Variants in COLGALT1 observed in about 807,000 individuals in gnomAD.
COLGALT1 encodes the protein collagen beta(1-O)galactosyltransferase 1, also known as procollagen galactosyltransferase 1.
Under a neutral mutation model 60.8 loss-of-function variants are expected in COLGALT1, and 43 were observed. The observed-to-expected ratio is 0.71, with a 90% CI of 0.55 to 0.91. The LOEUF is 0.91. Ranked by LOEUF, COLGALT1 falls within the 40% of genes least tolerant of loss-of-function variation. COLGALT1 has a pLI of 0.00. For missense variants in COLGALT1, 845 were observed against 880.0 expected, an observed-to-expected ratio of 0.96 and a Z score of 0.50; for synonymous variants, 369 against 374.2, an observed-to-expected ratio of 0.99 and a Z score of 0.16.
Position 17,568,696 on chromosome 19 carries a change from T to A in COLGALT1, c.812T>A (p.Phe271Tyr). The A allele has an allele frequency of 6.2e-7, 1 of 1,614,108 alleles. No homozygotes were observed. The highest frequency in any genetic ancestry group is 8.5e-7 in the Non-Finnish European group (1 of 1,180,004). ...TTTGACGACATCATCGTCTTTGCCTTCTCCTGCAAGCAGGCAGGTACGTAC... is the reference window on the plus strand; with the variant it reads ...TTTGACGACATCATCGTCTTTGCCTACTCCTGCAAGCAGGCAGGTACGTAC... ...WSFDDIIVFA[F>Y]SCKQAEVQMY... Residue 271 changes from phenylalanine (F) to tyrosine (Y), a missense_variant, in exon 5 of 12, where the codon TTC (phenylalanine) becomes TAC (tyrosine). Coordinates refer to ENST00000252599, the MANE Select transcript of COLGALT1 (RefSeq NM_024656.4).
chr19:17,557,791 G>A (rs2076222051), intron 1 of COLGALT1, among the ~76,000 whole-genome samples: 1 of 151,758 alleles, frequency 6.6e-6, no homozygotes, highest in Admixed American at 6.6e-5. Flanking sequence ...TTCTAGAGAT[G>A]GGGTTTTGCC....
chr19:17,555,770 G>T lies in COLGALT1; in HGVS notation c.57G>T (p.Leu19=). Residue 19 remains leucine (L), a synonymous_variant, in exon 1 of 12, where the codon CTG becomes CTT. Coordinates refer to ENST00000252599, the MANE Select transcript of COLGALT1 (RefSeq NM_024656.4). ...GCGGGCAGCCGCTCCTGGCGCTGCT[G>T]CTTCTGCTGCTGGCGCCACTGCCGC... ...RRRGQPLLAL[L]LLLLAPLPPG... is the part of the protein sequence containing the mutation. The T allele has an allele frequency of 8.1e-7, 1 of 1,233,632 alleles. No homozygotes were observed. The highest frequency in any genetic ancestry group is 1.0e-6 in the Non-Finnish European group (1 of 989,216). The allele number at this position is 1,233,632 out of a possible 1,614,324, so 76.4% of individuals were successfully genotyped here. A position where few individuals can be genotyped will look rare whatever the true frequency, so the allele number is the denominator to read the frequency against.
Position 17,581,465 on chromosome 19 carries a change from A to C in COLGALT1, c.*21A>C. 3 of 1,597,366 alleles carry C rather than the reference A, an allele frequency of 1.9e-6. No individual in the cohort carries two copies. Among genetic ancestry groups the C allele is most frequent in the Non-Finnish European group, 2.6e-6 (3 of 1,175,046 alleles). ...TCTGAGGGGTAGCAGCCAGAAAGCCAAAGCAGCCATCGGTGGCCCAGGCTC... is the reference window on the plus strand; with the variant it reads ...TCTGAGGGGTAGCAGCCAGAAAGCCCAAGCAGCCATCGGTGGCCCAGGCTC... On this transcript the variant is annotated 3_prime_UTR_variant, in exon 12 of 12. Coordinates refer to ENST00000252599, the MANE Select transcript of COLGALT1 (RefSeq NM_024656.4).
At chr19:17,575,315 G>A (rs2076334851) in intron 6 of COLGALT1, among the ~76,000 whole-genome samples, 1 of 151,202 alleles carries the variant, frequency 6.6e-6, no homozygotes, top group Non-Finnish European at 1.5e-5. Context: ...GCCCGATCTC[G>A]GCTCACTGCA....
rs752665041 is a variant in COLGALT1, at chr19:17,568,492, T to C, written c.625-17T>C. 35 of 1,610,500 alleles carry C rather than the reference T, an allele frequency of 2.2e-5. No individual in the cohort carries two copies. Among genetic ancestry groups the C allele is most frequent in the Non-Finnish European group, 2.9e-5 (34 of 1,177,070 alleles). Reference sequence around the variant, plus strand: ...CTTTCAAGACCCCTACGCGGAACTCTCGCTCTCTCCCCACAGGGCTACTAC... The same window carrying C: ...CTTTCAAGACCCCTACGCGGAACTCCCGCTCTCTCCCCACAGGGCTACTAC... On this transcript the variant is annotated splice_polypyrimidine_tract_variant and intron_variant, in intron 4 of 11. Coordinates refer to ENST00000252599, the MANE Select transcript of COLGALT1 (RefSeq NM_024656.4).
intron 4 of COLGALT1, 68 bp from the exon 5 acceptor site, chr19:17,568,441 C>T: frequency 7.4e-7 from 1 of 1,359,582 alleles, no homozygotes; most frequent in Non-Finnish European, 1.1e-6. Context: ...TTCATGCCGC[C>T]CACTATCACG....
chr19:17,576,161 A>C (rs2076339129), intron 6 of COLGALT1, among the ~76,000 whole-genome samples: 1 of 152,142 alleles, frequency 6.6e-6, no homozygotes, highest in South Asian at 2.1e-4. Flanking sequence ...GCCCAGTGTG[A>C]GCAGACATAC....
At chr19:17,559,556 A>G in intron 2 of COLGALT1, 135 bp downstream of exon 2, 2 of 676,666 alleles carry the variant, frequency 3.0e-6, no homozygotes, top group East Asian at 5.5e-5. Context: ...GCATTAAGCT[A>G]CTCTGAGCCT....
At position 17,555,706 on chromosome 19, in the gene COLGALT1, G is replaced by T; in HGVS notation, c.-8G>T. ...CAGAAAAACGACTTAAAGGAGACGC[G>T]TGGCGCGATGGCGGCGGCCCCACGC... On this transcript the variant is annotated 5_prime_UTR_variant, in exon 1 of 12. Transcript: ENST00000252599. 8.4e-7 allele frequency: 1 copy of T among 1,186,392 alleles called. No homozygotes were observed. The highest frequency in any genetic ancestry group is 1.6e-5 in the African/African-American group (1 of 62,628). The allele number at this position is 1,186,392 out of a possible 1,614,324, so 73.5% of individuals were successfully genotyped here.
intron 10 of COLGALT1, chr19:17,580,483 T>C: frequency 1.7e-6 from 1 of 589,476 alleles, no homozygotes; most frequent in Non-Finnish European, 3.0e-6. Context: ...AGATCCTCCA[T>C]GGCTCCCTCA....
rs961695783 is a variant in COLGALT1, at chr19:17,580,720, G to A, written c.1416G>A (p.Met472Ile). Residue 472 changes from methionine (M) to isoleucine (I), a missense_variant, in exon 11 of 12, where the codon ATG becomes ATA. By Grantham distance (10) the Met-to-Ile change is conservative. Coordinates refer to ENST00000252599, the MANE Select transcript of COLGALT1 (RefSeq NM_024656.4). ...CCAGCTATGTGGGCCGGAAGCGGATGCAGGTGGAGCACCCCGAGAAGGCTG... is the reference window on the plus strand; with the variant it reads ...CCAGCTATGTGGGCCGGAAGCGGATACAGGTGGAGCACCCCGAGAAGGCTG... ...WDLIYVGRKR[M>I]QVEHPEKAVP... The A allele has an allele frequency of 1.1e-5, 18 of 1,613,914 alleles. No individual in the cohort carries two copies. The highest frequency in any genetic ancestry group is 1.5e-5 in the Non-Finnish European group (18 of 1,180,016).
chr19:17,577,003 T>TGCGAGGCAGGAC, intron 6 of COLGALT1, 192 bp from the exon 7 acceptor site: 1 of 587,592 alleles, frequency 1.7e-6, no homozygotes, highest in Non-Finnish European at 3.0e-6. Flanking sequence ...TGGCCAGGGC[T>TGCGAGGCAGGAC]TTGGGCTGCT....
At chr19:17,570,280 C>A (rs182498373) in intron 5 of COLGALT1, among the ~76,000 whole-genome samples, 2 of 152,236 alleles carry the variant, frequency 1.3e-5, no homozygotes, top group East Asian at 3.9e-4. Context: ...TACTCTGTCA[C>A]CCAGCCTGGA....
intron 6 of COLGALT1, among the ~76,000 whole-genome samples, chr19:17,572,871 T>C (rs1568478951): frequency 1.3e-5 from 2 of 151,980 alleles, no homozygotes. Context: ...GAGTAGGAGT[T>C]CACCATAAAG....
chr19:17,581,076 T>A (rs1253335055), intron 11 of COLGALT1, 101 bp from the exon 12 acceptor site: 5 of 1,449,302 alleles, frequency 3.4e-6, no homozygotes, highest in Admixed American at 3.8e-5. Context: ...ACACTTACGT[T>A]TTAATCTGTC....
chr19:17,572,332 T>C (rs1022661407), intron 5 of COLGALT1, 151 bp from the exon 6 acceptor site: 63 of 1,046,564 alleles, frequency 6.0e-5, no homozygotes, highest in Middle Eastern at 5.0e-4. Context: ...TTTGTAGATA[T>C]AAGGTCTTGC....
At chr19:17,567,329 C>A in intron 3 of COLGALT1, 77 bp from the exon 4 acceptor site, 1 of 1,584,836 alleles carries the variant, frequency 6.3e-7, no homozygotes, top group Non-Finnish European at 8.6e-7. Flanking sequence ...CCCCAGGGCA[C>A]TGGCCTTTGC....
chr19:17,563,499 G>A (rs1052834749), intron 3 of COLGALT1, among the ~76,000 whole-genome samples: 9 of 152,022 alleles, frequency 5.9e-5, no homozygotes, highest in Admixed American at 3.3e-4. Context: ...ACAGGCGCCC[G>A]CCACAACACC....
intron 2 of COLGALT1, 111 bp from the exon 3 acceptor site, chr19:17,560,237 A>G (rs2076240116): frequency 1.3e-6 from 1 of 743,396 alleles, no homozygotes; most frequent in Non-Finnish European, 2.3e-6. Flanking sequence ...AGATCAGCTT[A>G]CACGTCCCCT....
Sources: gnomAD v4.1 joint callset for allele counts (sites outside exome capture counted in the v4.1 genomes callset) on GRCh38, gnomAD v4.1.1 for gene constraint, MANE v1.5 for transcripts, NCBI Gene and HGNC (gene_info 2026-07-23, HGNC 2026-07-21) for gene names.